The following GRID2 variants were observed in gnomAD, a reference collection of about 807,000 sequenced individuals.
The protein encoded by GRID2 is glutamate ionotropic receptor delta type subunit 2, also known as glutamate receptor ionotropic, delta-2.
GRID2 carries 33 observed loss-of-function variants against 114.8 expected under a neutral mutation model. That is an observed-to-expected ratio of 0.29 (90% CI 0.22 to 0.38). The LOEUF (loss-of-function observed/expected upper bound fraction) is 0.38. Ranked by LOEUF, GRID2 falls within the 10% of genes least tolerant of loss-of-function variation. The probability of loss-of-function intolerance (pLI) is 1.00; values close to 1 mark genes in which losing one functional copy is unlikely to be tolerated. For missense variants in GRID2, 1,184 were observed against 1,257.7 expected (o/e 0.94, Z 0.89); for synonymous variants, 505 against 449.9 (o/e 1.12, Z -1.55).
intron 2 of GRID2, among the ~76,000 whole-genome samples, chr4:92,792,972 G>A (rs774189921): frequency 3.4e-5 from 5 of 145,412 alleles, no homozygotes; most frequent in Admixed American, 6.9e-5. Flanking sequence ...CTAGTATCTT[G>A]GCTTTCCCTT....
At chr4:92,868,248 G>A (rs1365203762) in intron 2 of GRID2, among the ~76,000 whole-genome samples, 1 of 151,862 alleles carries the variant, frequency 6.6e-6, no homozygotes, top group Non-Finnish European at 1.5e-5. Flanking sequence ...TTCTACAACA[G>A]GGTTGGTTTT....
In GRID2 at chr4:92,537,598, C is replaced by G. The variant is rs1488111284; in HGVS notation, c.89-52533C>G. 4.6e-5 allele frequency among the ~76,000 whole-genome samples: 7 copies of G among 152,014 alleles called. No individual in the cohort carries two copies. The East Asian group carries it at 5.8e-4, about 13-fold the overall frequency. On this transcript the variant is annotated intron_variant, in intron 1 of 15. Transcript: ENST00000282020. ...ATATTTCTTCCTGCTACAATCTACC[C>G]AGAACAAATATGCTATATTATATGA...
At chr4:93,510,265 G>C (rs1729032562) in intron 12 of GRID2, among the ~76,000 whole-genome samples, 1 of 152,050 alleles carries the variant, frequency 6.6e-6, no homozygotes, top group African/African-American at 2.4e-5. Flanking sequence ...ACTCTTGTCA[G>C]TTATTGATGA....
At chr4:93,521,964 T>A (rs543441796) in intron 13 of GRID2, among the ~76,000 whole-genome samples, 1 of 152,118 alleles carries the variant, frequency 6.6e-6, no homozygotes, top group Admixed American at 6.5e-5. Flanking sequence ...TTTGGGGAAA[T>A]TTTTTACGAA....
intron 1 of GRID2, among the ~76,000 whole-genome samples, chr4:92,532,507 A>C (rs980698484): frequency 6.6e-6 from 1 of 152,146 alleles, no homozygotes; most frequent in South Asian, 2.1e-4. Context: ...TAATCATGTG[A>C]AAGTGTAATT....
chr4:92,773,506 C>A (rs1387408689), intron 2 of GRID2, among the ~76,000 whole-genome samples: 2 of 152,072 alleles, frequency 1.3e-5, no homozygotes, highest in South Asian at 2.1e-4. Flanking sequence ...GAAGATACTT[C>A]TTTGCTAATT....
At chr4:93,593,847 C>T (rs188389188) in intron 13 of GRID2, among the ~76,000 whole-genome samples, 2,117 of 152,120 alleles carry the variant, frequency 0.014, 54 homozygotes, top group African/African-American at 0.049. Context: ...TTGATCGCAT[C>T]GGCTCCTGAG....
chr4:93,390,486 G>A (rs1000599166), intron 8 of GRID2, among the ~76,000 whole-genome samples: 3 of 152,108 alleles, frequency 2.0e-5, no homozygotes, highest in Non-Finnish European at 4.4e-5. Context: ...ACTGTATGAG[G>A]AAGTCACTTT....
At chr4:93,605,423 A>G (rs926242549) in intron 13 of GRID2, among the ~76,000 whole-genome samples, 12 of 152,116 alleles carry the variant, frequency 7.9e-5, no homozygotes, top group Admixed American at 7.9e-4. Flanking sequence ...TACTTAAACC[A>G]CAATGGTTTA....
At chr4:93,206,802 A>T (rs73837728) in intron 4 of GRID2, among the ~76,000 whole-genome samples, 2 of 152,002 alleles carry the variant, frequency 1.3e-5, no homozygotes, top group African/African-American at 2.4e-5. Flanking sequence ...AAAATTTCCT[A>T]CCCATGCTTT....
chr4:93,643,970 G>GTGGGC (rs1263634513), intron 14 of GRID2, among the ~76,000 whole-genome samples: 1 of 101,482 alleles, frequency 9.9e-6, no homozygotes, highest in Non-Finnish European at 1.9e-5. Context: ...GCGAGATTCC[G>GTGGGC]TGGGCGTAGG....
intron 2 of GRID2, among the ~76,000 whole-genome samples, chr4:92,907,556 C>T (rs1748049963): frequency 6.6e-6 from 1 of 152,036 alleles, no homozygotes; most frequent in Admixed American, 6.6e-5. Flanking sequence ...GGATTACAGG[C>T]ATGTGCCACC....
intron 1 of GRID2, among the ~76,000 whole-genome samples, chr4:92,315,709 G>A (rs888305921): frequency 9.2e-5 from 14 of 152,184 alleles, no homozygotes; most frequent in African/African-American, 2.2e-4. Flanking sequence ...GGTGGCTCAC[G>A]CCTGTAATCC....
chr4:93,280,338 T>G (rs1169927610), intron 8 of GRID2, among the ~76,000 whole-genome samples: 1 of 151,998 alleles, frequency 6.6e-6, no homozygotes, highest in Non-Finnish European at 1.5e-5. Context: ...TAATGCATTA[T>G]TATTGTACAG....
chr4:93,700,888 G>A (rs1045860828), intron 14 of GRID2, among the ~76,000 whole-genome samples: 26 of 152,166 alleles, frequency 1.7e-4, no homozygotes, highest in African/African-American at 4.8e-4. Context: ...CTCTTGTGAA[G>A]CTATCAATTC....
At chr4:93,052,217 TATATC>T (rs1448839693) in intron 2 of GRID2, among the ~76,000 whole-genome samples, 1 of 151,972 alleles carries the variant, frequency 6.6e-6, no homozygotes, top group Non-Finnish European at 1.5e-5. Context: ...TGATGGAACT[TATATC>T]AGATTGGCCA....
chr4:92,738,196 T>C (rs767868232), intron 2 of GRID2, among the ~76,000 whole-genome samples: 2 of 152,148 alleles, frequency 1.3e-5, no homozygotes, highest in Non-Finnish European at 2.9e-5. Flanking sequence ...AATTTTTTCA[T>C]GTCTTTTGGC....
intron 2 of GRID2, among the ~76,000 whole-genome samples, chr4:92,841,059 G>T (rs1742855786): frequency 6.6e-6 from 1 of 151,950 alleles, no homozygotes. Flanking sequence ...TTAGGATATG[G>T]ATGGTTTATG....
intron 14 of GRID2, among the ~76,000 whole-genome samples, chr4:93,658,597 A>G (rs1434301880): frequency 6.6e-6 from 1 of 152,172 alleles, no homozygotes; most frequent in East Asian, 1.9e-4. Context: ...AAACCCTTAT[A>G]GTCTGGCTCC....
Sources: gnomAD v4.1 joint callset for allele counts (sites outside exome capture counted in the v4.1 genomes callset) on GRCh38, gnomAD v4.1.1 for gene constraint, MANE v1.5 for transcripts, NCBI Gene and HGNC (gene_info 2026-07-23, HGNC 2026-07-21) for gene names.